The following HABP4 variants were observed in gnomAD, a reference collection of about 807,000 sequenced individuals.
HABP4 encodes the protein intracellular hyaluronan-binding protein 4.
HABP4 carries 32 observed loss-of-function variants against 44.1 expected under a neutral mutation model. The observed-to-expected ratio is 0.73, with a 90% CI of 0.55 to 0.97. The LOEUF (loss-of-function observed/expected upper bound fraction) is 0.97, where lower values mean the gene tolerates loss of function less well. HABP4 is among the 50% of genes least tolerant of loss of function. The pLI, the probability that HABP4 is intolerant of heterozygous loss-of-function variation, is 0.00. For missense variants in HABP4, 503 were observed against 561.9 expected (o/e 0.90, Z 1.06); for synonymous variants, 216 against 218.0 (o/e 0.99, Z 0.08).
intron 2 of HABP4, among the ~76,000 whole-genome samples, chr9:96,461,456 T>C (rs537805613): frequency 3.9e-5 from 6 of 152,184 alleles, no homozygotes; most frequent in Admixed American, 3.3e-4. Context: ...TAAGTTTATT[T>C]GGAGCCTAAG....
At chr9:96,457,461 A>G (rs1204610735) in intron 1 of HABP4, among the ~76,000 whole-genome samples, 2 of 152,266 alleles carry the variant, frequency 1.3e-5, no homozygotes, top group Non-Finnish European at 2.9e-5. Context: ...CAAGTTGCCA[A>G]ATAGCAGTGT....
In HABP4 at chr9:96,488,221, GGCCGGGGAA is replaced by G; in HGVS notation, c.1134_1142del (p.Arg379_Arg381del). On this transcript the variant is annotated inframe_deletion, in exon 7 of 8. Transcript: ENST00000375249. The surrounding 1 kb of genome is among the most constrained non-coding windows in gnomAD (Gnocchi z 4.6). Reference sequence around the variant, plus strand: ...TGGAGCCAGAGGAGGCACCCGGGGAGGCCGGGGAAGGATCAGGAGGGCAGAGAACTATGG... The same window carrying G: ...TGGAGCCAGAGGAGGCACCCGGGGAGGGATCAGGAGGGCAGAGAACTATGG... 1 of 1,613,790 alleles carries G rather than the reference GGCCGGGGAA, an allele frequency of 6.2e-7. No individual in the cohort carries two copies. Among genetic ancestry groups the G allele is most frequent in the Non-Finnish European group, 8.5e-7 (1 of 1,179,660 alleles).
At chr9:96,465,927 ATAAGTTTT>A (rs2131131703) in intron 4 of HABP4, 149 bp downstream of exon 4, 2 of 598,254 alleles carry the variant, frequency 3.3e-6, no homozygotes, top group East Asian at 5.6e-5. Context: ...GTTTCGTGAG[ATAAGTTTT>A]TAAAACAGGT....
In HABP4 at chr9:96,465,324, C is replaced by G. The variant is rs201290714; in HGVS notation, c.513-13C>G. ...TTAATTTACCAGTTTTTATTATATCCACTCCTTCCTAGACCAGGTGATAGG... is the reference window on the plus strand; with the variant it reads ...TTAATTTACCAGTTTTTATTATATCGACTCCTTCCTAGACCAGGTGATAGG... On this transcript the variant is annotated splice_polypyrimidine_tract_variant and intron_variant, in intron 2 of 7. Transcript: ENST00000375249. 2 of 1,577,398 alleles carry G rather than the reference C, an allele frequency of 1.3e-6. No homozygotes were observed. Among genetic ancestry groups the G allele is most frequent in the South Asian group, 2.2e-5 (2 of 89,874 alleles).
chr9:96,460,228 G>T (rs986192545), intron 2 of HABP4, among the ~76,000 whole-genome samples: 1 of 152,136 alleles, frequency 6.6e-6, no homozygotes, highest in East Asian at 1.9e-4. Context: ...TTATGGAGGG[G>T]TTTTTTAATT....
intron 1 of HABP4, among the ~76,000 whole-genome samples, chr9:96,456,781 ATATATATATATATATATAT>A (rs1279649802): frequency 7.6e-4 from 23 of 30,142 alleles, no homozygotes; most frequent in African/African-American, 1.7e-3. Flanking sequence ...AAAAAAAAAA[ATATATATATATATATATAT>A]ATATATATAT....
In HABP4 at chr9:96,486,163, G is replaced by T. The variant is rs576510428; in HGVS notation, c.999+1530G>T. ...GCCGAGATCACGCCATTGCACTCCA[G>T]CCTGGGCAACAAAGTGAGACTTCGT... On this transcript the variant is annotated intron_variant, in intron 6 of 7. Coordinates refer to ENST00000375249, the MANE Select transcript of HABP4 (RefSeq NM_014282.4). 1.4e-3 allele frequency among the ~76,000 whole-genome samples: 218 copies of T among 152,262 alleles called. 3 individuals carry two copies. The highest frequency in any genetic ancestry group is 0.01 in the Middle Eastern group (3 of 294).
intron 5 of HABP4, chr9:96,482,941 A>G (rs1460761124): frequency 6.6e-6 from 1 of 152,236 alleles, no homozygotes; most frequent in Non-Finnish European, 1.5e-5. Context: ...TATGAATAGC[A>G]CTGCAGTGAA....
intron 6 of HABP4, among the ~76,000 whole-genome samples, chr9:96,485,538 G>A (rs1197347731): frequency 6.6e-6 from 1 of 152,214 alleles, no homozygotes; most frequent in Non-Finnish European, 1.5e-5. Context: ...TGCTCAGGGA[G>A]CTCCTCCGTG....
intron 2 of HABP4, 50 bp from the exon 3 acceptor site, chr9:96,465,287 G>T: frequency 8.4e-7 from 1 of 1,197,486 alleles, no homozygotes; most frequent in Non-Finnish European, 1.2e-6. Flanking sequence ...TTTCTGGAGA[G>T]ACCTTAGACC....
rs73538760 is a variant in HABP4, at chr9:96,451,404, C to G, written c.349+776C>G. 2.0e-3 allele frequency: 1,725 copies of G among 877,956 alleles called. 20 individuals are homozygous for G. The African/African-American group carries it at 0.029, about 15-fold the overall frequency. 54.4% of individuals were successfully genotyped at this position (877,956 alleles called of 1,614,324 possible). On this transcript the variant is annotated intron_variant, in intron 1 of 7. Transcript: ENST00000375249. ...GGGAGGGTGCTTCAGAGTTCATTCT[C>G]TCACCGAACTGCGTCAGTGGCAGAG...
chr9:96,471,096 T>A lies in HABP4; in HGVS notation c.827+2T>A. 1 of 1,498,032 alleles carries A rather than the reference T, an allele frequency of 6.7e-7. No homozygotes were observed. Among genetic ancestry groups the A allele is most frequent in the Non-Finnish European group, 9.3e-7 (1 of 1,074,328 alleles). 92.8% of individuals were successfully genotyped at this position (1,498,032 alleles called of 1,614,324 possible). A position where few individuals can be genotyped will look rare whatever the true frequency, so the allele number is the denominator to read the frequency against. On this transcript the variant is annotated splice_donor_variant, in intron 5 of 7. Transcript: ENST00000375249. LOFTEE classifies it high-confidence loss of function. ...CCCGGAAGAGGAGTCTCCAGCCAAG[T>A]AGGGCATTTTGTTCATTCCCCATTG...
At position 96,457,056 on chromosome 9, in the gene HABP4, A is replaced by T. The variant is rs188157131; in HGVS notation, c.350-1323A>T. On this transcript the variant is annotated intron_variant, in intron 1 of 7. Coordinates refer to ENST00000375249, the MANE Select transcript of HABP4 (RefSeq NM_014282.4). ...AGACTTTGCTTAAGATGTTTAAAGC[A>T]TTAAAACTAAAGGGGAGTAAAGCAA... Among the ~76,000 whole-genome samples, 240 of 152,074 alleles carry T rather than the reference A, an allele frequency of 1.6e-3. 3 individuals carry two copies. Among genetic ancestry groups the T allele is most frequent in the Admixed American group, 0.014 (218 of 15,266 alleles).
At chr9:96,463,818 C>T (rs1832549881) in intron 2 of HABP4, among the ~76,000 whole-genome samples, 1 of 152,110 alleles carries the variant, frequency 6.6e-6, no homozygotes. Flanking sequence ...CACTTTTAGC[C>T]ATAAAAGTAG....
intron 3 of HABP4, 78 bp from the exon 4 acceptor site, chr9:96,465,632 T>A (rs900619650): frequency 9.0e-6 from 11 of 1,217,990 alleles, no homozygotes; most frequent in Non-Finnish European, 1.3e-5. Flanking sequence ...CCTGGGACTT[T>A]TATGAACCAC....
At chr9:96,479,565 A>G (rs114271454) in intron 5 of HABP4, among the ~76,000 whole-genome samples, 2,073 of 151,360 alleles carry the variant, frequency 0.014, 45 homozygotes, top group African/African-American at 0.047. Flanking sequence ...CCTGGAGTGC[A>G]GTGATGCAAT....
At chr9:96,482,322 A>T (rs999577748) in intron 5 of HABP4, among the ~76,000 whole-genome samples, 15 of 152,072 alleles carry the variant, frequency 9.9e-5, no homozygotes, top group African/African-American at 3.6e-4. Context: ...AGTAATCTCT[A>T]TTTTACTCGT....
At chr9:96,465,866 A>T (rs1255625134) in intron 4 of HABP4, 88 bp downstream of exon 4, 1 of 754,088 alleles carries the variant, frequency 1.3e-6, no homozygotes, top group African/African-American at 1.7e-5. Context: ...TGTCTTCTGT[A>T]TTGTGCTTTA....
intron 1 of HABP4, among the ~76,000 whole-genome samples, chr9:96,452,933 T>G (rs1832311861): frequency 6.8e-6 from 1 of 147,280 alleles, no homozygotes; most frequent in African/African-American, 2.5e-5. Context: ...TTTTTTTTTT[T>G]TTTTTGAGAC....
Sources: allele counts gnomAD v4.1 joint callset (sites outside exome capture counted in the v4.1 genomes callset), GRCh38; gene constraint gnomAD v4.1.1; non-coding constraint Gnocchi (gnomAD v3.1); transcripts MANE v1.5; gene names NCBI Gene and HGNC (gene_info 2026-07-23, HGNC 2026-07-21).